TBC1D2B: variants seen among roughly 807,000 people sequenced by gnomAD.
TBC1D2B encodes TBC1 domain family, member 2B.
In TBC1D2B, 64 loss-of-function variants were observed where a neutral mutation model predicts 100.8. That is an observed-to-expected ratio of 0.64 (90% CI 0.52 to 0.78). The LOEUF (loss-of-function observed/expected upper bound fraction) is 0.78. Among genes scored for constraint, TBC1D2B ranks in the 30% least tolerant of loss-of-function variants. The pLI is 0.00. For synonymous variants in TBC1D2B, 480 were observed against 479.7 expected (o/e 1.00, Z -0.01); for missense variants, 1,052 against 1,218.4 (o/e 0.86, Z 2.03).
intron 3 of TBC1D2B, among the ~76,000 whole-genome samples, chr15:78,041,272 A>G (rs1393199414): frequency 6.6e-6 from 1 of 152,238 alleles, no homozygotes; most frequent in Non-Finnish European, 1.5e-5. Context: ...TCATTGAATT[A>G]CATAATTACA....
Position 78,077,552 on chromosome 15 carries a change from G to T in TBC1D2B, c.101C>A (p.Pro34Gln). ...AEPGAGPARE[P>Q]ARLCGYLQKL... The stretch of plus-strand genomic sequence containing the variant: ...CTGCAGATAGCCACACAGCCGCGCT[G>T]GCTCCCGCGCCGGACCCGCCCCGGG... Residue 34 changes from proline (P) to glutamine (Q), a missense_variant, in exon 1 of 13, where the codon CCA (proline) becomes CAA (glutamine). By Grantham distance (76) the Pro-to-Gln change is moderately conservative. Coordinates refer to ENST00000300584, the MANE Select transcript of TBC1D2B (RefSeq NM_144572.2). 6.8e-7 allele frequency: 1 copy of T among 1,467,302 alleles called. No homozygotes were observed. Among genetic ancestry groups the T allele is most frequent in the Non-Finnish European group, 9.0e-7 (1 of 1,106,608 alleles). 90.9% of individuals were successfully genotyped at this position (1,467,302 alleles called of 1,614,324 possible). A position where few individuals can be genotyped will look rare whatever the true frequency, so the allele number is the denominator to read the frequency against.
chr15:78,005,981 C>T (rs2072056139), intron 10 of TBC1D2B, among the ~76,000 whole-genome samples: 1 of 152,158 alleles, frequency 6.6e-6, no homozygotes, highest in African/African-American at 2.4e-5. Flanking sequence ...TTACATTCAA[C>T]TTTTTTTAAT....
chr15:78,071,871 CT>C (rs2073747313), intron 1 of TBC1D2B, among the ~76,000 whole-genome samples: 2 of 152,346 alleles, frequency 1.3e-5, no homozygotes, highest in Middle Eastern at 3.4e-3. Flanking sequence ...CAGAAATTTA[CT>C]CAGTTCTGAA....
intron 3 of TBC1D2B, among the ~76,000 whole-genome samples, chr15:78,040,939 G>A (rs1426793395): frequency 7.3e-6 from 1 of 137,184 alleles, no homozygotes; most frequent in Admixed American, 7.4e-5. Context: ...GAGGAAGGAA[G>A]AGATCAATCT....
Position 78,039,227 on chromosome 15 carries a change from A to G in TBC1D2B, c.683+5673T>C, listed in dbSNP as rs1329471397. 2.6e-5 allele frequency among the ~76,000 whole-genome samples: 4 copies of G among 152,234 alleles called. No individual in the cohort carries two copies. The East Asian group carries it at 7.7e-4, about 29-fold the overall frequency. On this transcript the variant is annotated intron_variant, in intron 3 of 12. Coordinates refer to ENST00000300584, the MANE Select transcript of TBC1D2B (RefSeq NM_144572.2). ...ACCACATTACGGCTCCGGGACAGGA[A>G]AAACTTCCCCTAATTCACCAAACAT...
chr15:78,053,770 A>G (rs1221707640), intron 2 of TBC1D2B: 1 of 363,730 alleles, frequency 2.7e-6, no homozygotes, highest in African/African-American at 2.1e-5. Flanking sequence ...AACTAGACTT[A>G]CAGCACCACA....
intron 1 of TBC1D2B, among the ~76,000 whole-genome samples, chr15:78,074,270 G>A (rs1322580888): frequency 3.3e-5 from 5 of 151,880 alleles, no homozygotes; most frequent in African/African-American, 1.2e-4. Flanking sequence ...TGATCCACTC[G>A]CCTCGGCCTC....
chr15:78,029,055 TATA>T (rs993330865), intron 4 of TBC1D2B, among the ~76,000 whole-genome samples: 1 of 148,376 alleles, frequency 6.7e-6, no homozygotes, highest in Admixed American at 6.7e-5. Context: ...AAGTTGTGGT[TATA>T]ATTTTTTTTT....
chr15:78,048,446 C>T (rs888199891), intron 2 of TBC1D2B, among the ~76,000 whole-genome samples: 3 of 152,136 alleles, frequency 2.0e-5, no homozygotes, highest in Non-Finnish European at 2.9e-5. Flanking sequence ...AACATTTCCT[C>T]GAAGATTTTA....
intron 5 of TBC1D2B, among the ~76,000 whole-genome samples, chr15:78,024,940 G>A (rs755193075): frequency 6.6e-6 from 1 of 152,222 alleles, no homozygotes. Flanking sequence ...GACTGTTAAA[G>A]AACTCTGGGC....
chr15:78,077,157 G>C, intron 1 of TBC1D2B, 136 bp downstream of exon 1: 1 of 1,203,824 alleles, frequency 8.3e-7, no homozygotes, highest in Non-Finnish European at 1.1e-6. Context: ...GGGATGTGGA[G>C]AAGCAGGGAA....
chr15:78,031,239 G>A (rs887478557), intron 3 of TBC1D2B, among the ~76,000 whole-genome samples: 1 of 152,034 alleles, frequency 6.6e-6, no homozygotes, highest in Non-Finnish European at 1.5e-5. Flanking sequence ...CTCTGTAAAG[G>A]TAAAGAAGAA....
chr15:78,009,168 C>T (rs2141643920), intron 9 of TBC1D2B, 54 bp from the exon 10 acceptor site: 1 of 1,270,510 alleles, frequency 7.9e-7, no homozygotes, highest in Non-Finnish European at 1.1e-6. Context: ...GCTGCTACTA[C>T]AGTCTCCACA....
chr15:78,009,868 G>A (rs141576940), intron 9 of TBC1D2B, among the ~76,000 whole-genome samples: 1,841 of 151,772 alleles, frequency 0.012, 15 homozygotes, highest in South Asian at 0.027. Context: ...CAAGCTACCT[G>A]GGAGGCTGAG....
chr15:78,056,184 G>C (rs2073418293), intron 1 of TBC1D2B, among the ~76,000 whole-genome samples: 1 of 152,212 alleles, frequency 6.6e-6, no homozygotes, highest in Admixed American at 6.5e-5. Flanking sequence ...AATGATACAG[G>C]AGAACTTGGT....
Position 78,077,523 on chromosome 15 carries a change from G to A in TBC1D2B, c.130C>T (p.Leu44=), listed in dbSNP as rs1220116942. ...PARLCGYLQK[L]SGKGPLRGYR... ...CCACGCAGGGGGCCCTTGCCCGACA[G>A]CTTCTGCAGATAGCCACACAGCCGC... Residue 44 remains leucine (L), a synonymous_variant, in exon 1 of 13, where the codon CTG becomes TTG. Coordinates refer to ENST00000300584, the MANE Select transcript of TBC1D2B (RefSeq NM_144572.2). 6.6e-7 allele frequency: 1 copy of A among 1,522,906 alleles called. No homozygotes were observed. The highest frequency in any genetic ancestry group is 8.8e-7 in the Non-Finnish European group (1 of 1,135,620). The allele number at this position is 1,522,906 out of a possible 1,614,324, so 94.3% of individuals were successfully genotyped here. A position where few individuals can be genotyped will look rare whatever the true frequency, so the allele number is the denominator to read the frequency against.
At chr15:78,015,467 G>C (rs1416055787) in intron 8 of TBC1D2B, among the ~76,000 whole-genome samples, 1 of 152,136 alleles carries the variant, frequency 6.6e-6, no homozygotes, top group Admixed American at 6.5e-5. Context: ...TAAATAGTAA[G>C]AGCACAAAAC....
chr15:78,003,517 G>T (rs561888554), intron 10 of TBC1D2B, 27 bp from the exon 11 acceptor site: 17 of 1,580,946 alleles, frequency 1.1e-5, no homozygotes, highest in Admixed American at 8.4e-5. Flanking sequence ...GGGGAGAAGT[G>T]TATCAGGCCT....
chr15:78,070,901 C>T (rs1332615398), intron 1 of TBC1D2B, among the ~76,000 whole-genome samples: 1 of 152,224 alleles, frequency 6.6e-6, no homozygotes, highest in Non-Finnish European at 1.5e-5. Context: ...CAGCTTGCTG[C>T]AACCTCTGTT....
Sources: allele counts gnomAD v4.1 joint callset (sites outside exome capture counted in the v4.1 genomes callset), GRCh38; gene constraint gnomAD v4.1.1; transcripts MANE v1.5; gene names NCBI Gene and HGNC (gene_info 2026-07-23, HGNC 2026-07-21).